Variants in QSER1 observed in about 807,000 individuals in gnomAD.
QSER1 encodes the protein glutamine and serine-rich protein 1.
Under a neutral mutation model 158.5 loss-of-function variants are expected in QSER1, and 49 were observed. The ratio of observed to expected loss-of-function variants is 0.31; its 90% confidence interval spans 0.25 to 0.39. The LOEUF (loss-of-function observed/expected upper bound fraction) is 0.39. Ranked by LOEUF, QSER1 falls within the 10% of genes least tolerant of loss-of-function variation. The pLI is 1.00. For synonymous variants in QSER1, 650 were observed against 715.5 expected, an observed-to-expected ratio of 0.91 and a Z score of 1.46; for missense variants, 1,754 against 2,010.3, an observed-to-expected ratio of 0.87 and a Z score of 2.44.
At chr11:32,971,012 G>A (rs914143181) in intron 10 of QSER1, among the ~76,000 whole-genome samples, 3 of 137,486 alleles carry the variant, frequency 2.2e-5, no homozygotes, top group African/African-American at 8.3e-5. Flanking sequence ...AAGTGCAGTG[G>A]CGCGATCTCC....
chr11:32,964,729 T>TACAC, intron 8 of QSER1, among the ~76,000 whole-genome samples: 1 of 115,060 alleles, frequency 8.7e-6, no homozygotes, highest in South Asian at 3.0e-4. Flanking sequence ...TATATATATA[T>TACAC]ATATATATAT....
chr11:32,923,980 C>A (rs1291633405), intron 1 of QSER1, among the ~76,000 whole-genome samples: 2 of 151,956 alleles, frequency 1.3e-5, no homozygotes, highest in African/African-American at 2.4e-5. Context: ...TAAAAAAGCC[C>A]TAGAAAAGGT....
intron 1 of QSER1, among the ~76,000 whole-genome samples, chr11:32,916,688 C>A (rs1399253622): frequency 6.6e-6 from 1 of 152,086 alleles, no homozygotes. Flanking sequence ...TATCTAAACA[C>A]CCCTAAACAT....
At chr11:32,913,337 C>T (rs752140828) in intron 1 of QSER1, among the ~76,000 whole-genome samples, 18 of 151,660 alleles carry the variant, frequency 1.2e-4, no homozygotes, top group Non-Finnish European at 2.1e-4. Context: ...ACTACAGGTG[C>T]GCGCCACCAT....
chr11:32,976,884 TG>T lies in QSER1; in HGVS notation c.*411del. 1 of 192,872 alleles carries T rather than the reference TG, an allele frequency of 5.2e-6. No individual in the cohort carries two copies. Among genetic ancestry groups the T allele is most frequent in the South Asian group, 9.8e-5 (1 of 10,172 alleles). 11.9% of individuals were successfully genotyped at this position (192,872 alleles called of 1,614,324 possible). A position where few individuals can be genotyped will look rare whatever the true frequency, so the allele number is the denominator to read the frequency against. ...TGACAGAGAAGTGGCAGAAACCATATGTTTGTACTCACATCTGGCCACAAAA... is the reference window on the plus strand; with the variant it reads ...TGACAGAGAAGTGGCAGAAACCATATTTTGTACTCACATCTGGCCACAAAA... On this transcript the variant is annotated 3_prime_UTR_variant, in exon 13 of 13. Coordinates refer to ENST00000650167, the MANE Select transcript of QSER1 (RefSeq NM_001076786.3).
In QSER1 at chr11:32,893,022, G is replaced by GCCGCCCCCTCTTCCTCCC. The variant is rs1197175856; in HGVS notation, c.-92_-75dup. ...TGAGGGGGCAGCTCCCTCCACCGCCGCCGCCCCCTCTTCCTCCCCCGCCCC... is the reference window on the plus strand; with the variant it reads ...TGAGGGGGCAGCTCCCTCCACCGCCGCCGCCCCCTCTTCCTCCCCCGCCCCCTCTTCCTCCCCCGCCCC... On this transcript the variant is annotated 5_prime_UTR_variant, in exon 1 of 13. Transcript: ENST00000650167. The surrounding 1 kb of genome is among the most constrained non-coding windows in gnomAD (Gnocchi z 4.7). Among the ~76,000 whole-genome samples the GCCGCCCCCTCTTCCTCCC allele has an allele frequency of 1.4e-5, 2 of 144,412 alleles. No individual in the cohort carries two copies. Among genetic ancestry groups the GCCGCCCCCTCTTCCTCCC allele is most frequent in the Non-Finnish European group, 3.1e-5 (2 of 65,418 alleles). 94.7% of individuals were successfully genotyped at this position (144,412 alleles called of 152,430 possible).
rs190447740 is a variant in QSER1, at chr11:32,900,409, A to T, written c.209+7075A>T. ...CCCTGTCTCTACTAAAAATACAAAA[A>T]TCAGCTGGGCATGGTGGCAGGTGCC... On this transcript the variant is annotated intron_variant, in intron 1 of 12. Transcript: ENST00000650167. 1.9e-3 allele frequency among the ~76,000 whole-genome samples: 283 copies of T among 152,190 alleles called. 1 individual carries two copies. Among genetic ancestry groups the T allele is most frequent in the Non-Finnish European group, 2.3e-3 (155 of 67,986 alleles).
At position 32,954,132 on chromosome 11, in the gene QSER1, G is replaced by C. The variant is rs770689041; in HGVS notation, c.4453G>C (p.Glu1485Gln). The C allele has an allele frequency of 3.1e-6, 5 of 1,613,808 alleles. No individual in the cohort carries two copies. The highest frequency in any genetic ancestry group is 2.7e-5 in the African/African-American group (2 of 74,930). ...AAGCGGAGGAGAAGGCCAATACAGAGAGCGTGATGAATTTGTGGTAAAGAT... is the reference window on the plus strand; with the variant it reads ...AAGCGGAGGAGAAGGCCAATACAGACAGCGTGATGAATTTGTGGTAAAGAT... ...TESGGEGQYR[E>Q]RDEFVVKIED... Residue 1485 changes from glutamate (E) to glutamine (Q), a missense_variant, in exon 5 of 13, where the codon GAG becomes CAG. Transcript: ENST00000650167.
intron 1 of QSER1, among the ~76,000 whole-genome samples, chr11:32,919,402 A>G (rs908279265): frequency 6.6e-6 from 1 of 152,138 alleles, no homozygotes; most frequent in Non-Finnish European, 1.5e-5. Flanking sequence ...CAGTTTTCAG[A>G]AGTACTGGGC....
intron 9 of QSER1, 85 bp downstream of exon 9, chr11:32,966,522 G>A (rs1852752266): frequency 1.6e-6 from 2 of 1,288,734 alleles, no homozygotes; most frequent in Non-Finnish European, 1.1e-6. Context: ...ATGTTTATAT[G>A]TGACTTGTGT....
intron 9 of QSER1, 133 bp downstream of exon 9, chr11:32,966,570 T>C: frequency 1.4e-6 from 1 of 707,802 alleles, no homozygotes; most frequent in African/African-American, 1.9e-5. Flanking sequence ...ATATATAGCA[T>C]CTTAATTCCA....
chr11:32,920,968 T>G (rs980627138), intron 1 of QSER1, among the ~76,000 whole-genome samples: 3 of 152,218 alleles, frequency 2.0e-5, no homozygotes, highest in Non-Finnish European at 4.4e-5. Context: ...ACATGGAGTT[T>G]TCATTTGACC....
At chr11:32,931,693 A>C (rs1852048198) in intron 3 of QSER1, 50 bp from the exon 4 acceptor site, 1 of 1,395,366 alleles carries the variant, frequency 7.2e-7, no homozygotes, top group South Asian at 1.4e-5. Flanking sequence ...TGAAAACATA[A>C]AGTAATTGTG....
intron 4 of QSER1, among the ~76,000 whole-genome samples, chr11:32,946,845 A>G (rs1266632287): frequency 6.6e-6 from 1 of 151,980 alleles, no homozygotes; most frequent in Non-Finnish European, 1.5e-5. Context: ...GCCACCTTGC[A>G]GTTTGATCTC....
intron 1 of QSER1, among the ~76,000 whole-genome samples, chr11:32,913,896 T>G (rs1232608157): frequency 2.0e-5 from 3 of 152,238 alleles, no homozygotes; most frequent in African/African-American, 2.4e-5. Context: ...GTGGCCTGTT[T>G]GCAGAGCTAT....
chr11:32,976,045 C>T (rs1852970724), intron 12 of QSER1, among the ~76,000 whole-genome samples: 1 of 152,102 alleles, frequency 6.6e-6, no homozygotes, highest in African/African-American at 2.4e-5. Context: ...GGTGATGCAA[C>T]ATAGGTTCAC....
intron 3 of QSER1, among the ~76,000 whole-genome samples, 168 bp downstream of exon 3, chr11:32,928,291 T>G (rs1053769297): frequency 1.3e-5 from 2 of 152,220 alleles, no homozygotes; most frequent in Non-Finnish European, 2.9e-5. Flanking sequence ...ATTCAAGAAT[T>G]TATTACTGGC....
chr11:32,962,809 C>T (rs1307768293), intron 8 of QSER1, among the ~76,000 whole-genome samples: 1 of 152,188 alleles, frequency 6.6e-6, no homozygotes, highest in Non-Finnish European at 1.5e-5. Flanking sequence ...TTATCATTGG[C>T]AACAAATACC....
At chr11:32,958,238 C>T in intron 8 of QSER1, 152 bp downstream of exon 8, 1 of 704,300 alleles carries the variant, frequency 1.4e-6, no homozygotes, top group Non-Finnish European at 2.3e-6. Flanking sequence ...AGTAAGTTCA[C>T]ATTCCCTGAA....
Sources: gnomAD v4.1 joint callset for allele counts (sites outside exome capture counted in the v4.1 genomes callset) on GRCh38, gnomAD v4.1.1 for gene constraint, Gnocchi (gnomAD v3.1) non-coding constraint, MANE v1.5 for transcripts, NCBI Gene and HGNC (gene_info 2026-07-23, HGNC 2026-07-21) for gene names.